The following PDE4D variants were observed in gnomAD, a reference collection of about 807,000 sequenced individuals.
PDE4D encodes 3',5'-cyclic-AMP phosphodiesterase 4D.
PDE4D carries 24 observed loss-of-function variants against 87.4 expected under a neutral mutation model. The observed-to-expected ratio is 0.27, with a 90% confidence interval of 0.20 to 0.39. PDE4D has a LOEUF of 0.39. Among genes scored for constraint, PDE4D ranks in the 10% least tolerant of loss-of-function variants. The pLI is 1.00. For synonymous variants in PDE4D, 384 were observed against 383.2 expected, an observed-to-expected ratio of 1.00 and a Z score of -0.02; for missense variants, 714 against 1,041.0, an observed-to-expected ratio of 0.69 and a Z score of 4.32.
intron 1 of PDE4D, among the ~76,000 whole-genome samples, chr5:59,714,590 C>T (rs141080035): frequency 1.2e-3 from 180 of 152,296 alleles, no homozygotes; most frequent in African/African-American, 4.1e-3. Context: ...TTTGATGGAC[C>T]GCTTGATGAT....
intron 1 of PDE4D, among the ~76,000 whole-genome samples, chr5:59,417,270 C>T (rs538147210): frequency 5.3e-5 from 8 of 152,102 alleles, no homozygotes; most frequent in African/African-American, 9.6e-5. Context: ...GGTGCTCACA[C>T]CGATAAGGCA....
intron 1 of PDE4D, among the ~76,000 whole-genome samples, chr5:59,426,199 C>CT (rs1795180266): frequency 6.6e-6 from 1 of 152,176 alleles, no homozygotes; most frequent in East Asian, 1.9e-4. Flanking sequence ...GATTTCACAG[C>CT]TTTTGGAATT....
At chr5:60,484,831 T>C (rs564629546) in intron 1 of PDE4D, among the ~76,000 whole-genome samples, 115 of 152,344 alleles carry the variant, frequency 7.5e-4, no homozygotes, top group African/African-American at 2.4e-3. Flanking sequence ...AGTGTACATG[T>C]ACAGCACATT....
chr5:59,259,948 A>G (rs2153534726), intron 1 of PDE4D, among the ~76,000 whole-genome samples: 1 of 151,958 alleles, frequency 6.6e-6, no homozygotes, highest in East Asian at 1.9e-4. Context: ...GAGGATTATG[A>G]CCAAACAAGT....
At chr5:59,105,633 A>G (rs1580819015) in intron 5 of PDE4D, among the ~76,000 whole-genome samples, 1 of 152,350 alleles carries the variant, frequency 6.6e-6, no homozygotes, top group East Asian at 1.9e-4. Flanking sequence ...AAGAATTTAA[A>G]ACATAAATCC....
intron 1 of PDE4D, among the ~76,000 whole-genome samples, chr5:59,354,479 G>A (rs918475894): frequency 3.9e-5 from 6 of 152,078 alleles, no homozygotes; most frequent in East Asian, 1.9e-4. Flanking sequence ...TTAACTGTGC[G>A]TGCATGTGCC....
intron 3 of PDE4D, among the ~76,000 whole-genome samples, chr5:59,955,993 T>A (rs1335236487): frequency 2.0e-5 from 3 of 152,204 alleles, no homozygotes; most frequent in African/African-American, 7.2e-5. Context: ...TAGGATACTC[T>A]TTCTGGAAGA....
chr5:60,378,569 A>G (rs1761605012), intron 1 of PDE4D, among the ~76,000 whole-genome samples: 1 of 152,108 alleles, frequency 6.6e-6, no homozygotes, highest in Non-Finnish European at 1.5e-5. Context: ...AAAGAAAAAA[A>G]AGGGCCAGGC....
intron 5 of PDE4D, among the ~76,000 whole-genome samples, chr5:59,055,486 C>CT (rs1349741111): frequency 6.6e-6 from 1 of 152,150 alleles, no homozygotes; most frequent in Non-Finnish European, 1.5e-5. Flanking sequence ...ACCTCCATCT[C>CT]TATCTTTTGT....
At chr5:59,195,134 C>G (rs1745171742) in intron 2 of PDE4D, among the ~76,000 whole-genome samples, 1 of 152,172 alleles carries the variant, frequency 6.6e-6, no homozygotes, top group Non-Finnish European at 1.5e-5. Flanking sequence ...TACCCAGCCT[C>G]TAGAACTGTA....
At position 59,893,373 on chromosome 5, in the gene PDE4D, G is replaced by T. The variant is rs967065693; in HGVS notation, c.250C>A (p.Pro84Thr). Residue 84 changes from proline (P) to threonine (T), a missense_variant, in exon 1 of 15, where the codon CCC (proline) becomes ACC (threonine). Pro to Thr is a conservative substitution (Grantham distance 38). This residue lies in a region of PDE4D where 268 missense variants were observed against 272.9 expected (regional missense o/e 0.98). Coordinates refer to ENST00000340635, the MANE Select transcript of PDE4D (RefSeq NM_001104631.2). ...QPPPPPPLPP[P>T]PPPPGAARGR... is the part of the protein sequence containing the mutation. ...CGGGCAGCCCCGGGCGGCGGCGGGG[G>T]CGGCGGCAGGGGGGGCGGCGGCGGC... 8.0e-7 allele frequency: 1 copy of T among 1,246,912 alleles called. No individual in the cohort carries two copies. The highest frequency in any genetic ancestry group is 1.0e-6 in the Non-Finnish European group (1 of 996,842). 77.2% of individuals were successfully genotyped at this position (1,246,912 alleles called of 1,614,324 possible).
At chr5:60,388,310 T>C (rs1308456451) in intron 1 of PDE4D, among the ~76,000 whole-genome samples, 1 of 152,178 alleles carries the variant, frequency 6.6e-6, no homozygotes, top group Non-Finnish European at 1.5e-5. Flanking sequence ...CCTCTCTGTG[T>C]AGCATTCATT....
In PDE4D at chr5:59,146,494, T is replaced by G. The variant is rs557124180; in HGVS notation, c.808+34101A>C. ...AAGGTATGATGGAAGTGCCACATTC[T>G]CAAAGCCACTGAAGAGAGCCAGTTG... is the stretch of plus-strand genomic sequence containing the variant. On this transcript the variant is annotated intron_variant, in intron 5 of 14. Transcript: ENST00000340635. 9.2e-5 allele frequency among the ~76,000 whole-genome samples: 14 copies of G among 152,262 alleles called. No individual in the cohort carries two copies. The East Asian group carries it at 2.7e-3, about 29-fold the overall frequency.
intron 6 of PDE4D, chr5:58,999,979 C>T: frequency 1.2e-6 from 1 of 857,896 alleles, no homozygotes; most frequent in African/African-American, 1.8e-5. Context: ...CATAAAACCC[C>T]AACTCTGCAC....
At chr5:60,068,947 T>C (rs890252750) in intron 2 of PDE4D, among the ~76,000 whole-genome samples, 1 of 152,206 alleles carries the variant, frequency 6.6e-6, no homozygotes, top group Non-Finnish European at 1.5e-5. Context: ...AAGACCAATG[T>C]CATGAAGGTT....
chr5:59,079,687 A>ATAT (rs1766337601), intron 5 of PDE4D, among the ~76,000 whole-genome samples: 1 of 151,152 alleles, frequency 6.6e-6, no homozygotes, highest in Non-Finnish European at 1.5e-5. Flanking sequence ...AATAATAATA[A>ATAT]TAATAAGCTG....
chr5:59,608,923 G>C (rs572674218), intron 1 of PDE4D, among the ~76,000 whole-genome samples: 1 of 152,144 alleles, frequency 6.6e-6, no homozygotes, highest in East Asian at 1.9e-4. Context: ...TCTCACTCTG[G>C]GGGATACAAG....
chr5:59,329,542 C>G (rs1239968653), intron 1 of PDE4D, among the ~76,000 whole-genome samples: 3 of 152,176 alleles, frequency 2.0e-5, no homozygotes, highest in Non-Finnish European at 4.4e-5. Context: ...ATATGTCAAC[C>G]TTCAATCAAT....
chr5:59,615,160 T>C (rs950924218), intron 1 of PDE4D, among the ~76,000 whole-genome samples: 8 of 152,190 alleles, frequency 5.3e-5, no homozygotes, highest in African/African-American at 1.9e-4. Flanking sequence ...ATTCCCATTC[T>C]AGCCATGCGC....
Sources: allele counts gnomAD v4.1 joint callset (sites outside exome capture counted in the v4.1 genomes callset), GRCh38; gene constraint gnomAD v4.1.1; regional missense constraint gnomAD v4.1.1; transcripts MANE v1.5; gene names NCBI Gene and HGNC (gene_info 2026-07-23, HGNC 2026-07-21).